Variants in PPP2R3A observed in about 807,000 individuals in gnomAD.
PPP2R3A encodes the protein serine/threonine-protein phosphatase 2A regulatory subunit B'' subunit alpha.
Under a neutral mutation model 106.9 loss-of-function variants are expected in PPP2R3A, and 80 were observed. The observed-to-expected ratio is 0.75, with a 90% CI of 0.62 to 0.90. The LOEUF is 0.90. Ranked by LOEUF, PPP2R3A falls within the 40% of genes least tolerant of loss-of-function variation. The pLI, the probability that PPP2R3A is intolerant of heterozygous loss-of-function variation, is 0.00. For synonymous variants in PPP2R3A, 483 were observed against 468.3 expected, an observed-to-expected ratio of 1.03 and a Z score of -0.41; for missense variants, 1,386 against 1,350.4, an observed-to-expected ratio of 1.03 and a Z score of -0.41.
chr3:135,974,858 A>G (rs1937367818), intron 1 of PPP2R3A, among the ~76,000 whole-genome samples: 1 of 152,262 alleles, frequency 6.6e-6, no homozygotes, highest in Admixed American at 6.5e-5. Context: ...TAGAAATAAA[A>G]AGCAGAGATT....
intron 8 of PPP2R3A, among the ~76,000 whole-genome samples, chr3:136,085,312 A>G (rs1352915857): frequency 6.6e-6 from 1 of 152,164 alleles, no homozygotes. Flanking sequence ...CCCTGCTGCC[A>G]TGTAAGATGT....
chr3:136,049,653 C>G (rs974382447), intron 5 of PPP2R3A, among the ~76,000 whole-genome samples: 15 of 152,166 alleles, frequency 9.9e-5, no homozygotes, highest in African/African-American at 3.6e-4. Flanking sequence ...TCCCCCTTGC[C>G]CACCCACAGC....
chr3:136,042,493 TA>T (rs1157421691), intron 4 of PPP2R3A, among the ~76,000 whole-genome samples: 1 of 152,220 alleles, frequency 6.6e-6, no homozygotes, highest in African/African-American at 2.4e-5. Flanking sequence ...CCTTGGAACT[TA>T]AAAATAAAAA....
intron 13 of PPP2R3A, among the ~76,000 whole-genome samples, chr3:136,144,488 C>CCAT (rs1939017026): frequency 6.6e-6 from 1 of 152,066 alleles, no homozygotes; most frequent in Non-Finnish European, 1.5e-5. Flanking sequence ...TGGTGAAACC[C>CCAT]CATCTCTACT....
intron 1 of PPP2R3A, among the ~76,000 whole-genome samples, chr3:135,993,352 A>G (rs1302959756): frequency 6.6e-6 from 1 of 152,224 alleles, no homozygotes; most frequent in Non-Finnish European, 1.5e-5. Flanking sequence ...AATTAAAGCC[A>G]CAGTGGGATA....
At chr3:136,031,410 T>C (rs781031404) in intron 3 of PPP2R3A, among the ~76,000 whole-genome samples, 119 of 152,388 alleles carry the variant, frequency 7.8e-4, no homozygotes, top group Non-Finnish European at 1.5e-3. Context: ...ATTAGTCCTT[T>C]GTCAGATGTA....
chr3:136,017,619 A>T (rs1934321652), intron 2 of PPP2R3A, among the ~76,000 whole-genome samples: 1 of 152,194 alleles, frequency 6.6e-6, no homozygotes, highest in Non-Finnish European at 1.5e-5. Flanking sequence ...AAGCACCCTC[A>T]TGATATACCA....
intron 13 of PPP2R3A, among the ~76,000 whole-genome samples, chr3:136,128,465 C>T (rs1938272171): frequency 6.6e-6 from 1 of 152,046 alleles, no homozygotes. Context: ...ACAAGAAGAG[C>T]TAACTATCCT....
chr3:136,140,227 T>C (rs951070059), intron 13 of PPP2R3A, among the ~76,000 whole-genome samples: 4 of 152,022 alleles, frequency 2.6e-5, no homozygotes. Flanking sequence ...TAACATACTT[T>C]GTTCTCCACG....
chr3:136,133,097 AAAAC>A (rs1233045605), intron 13 of PPP2R3A, among the ~76,000 whole-genome samples: 1 of 152,214 alleles, frequency 6.6e-6, no homozygotes, highest in Non-Finnish European at 1.5e-5. Flanking sequence ...CTTCTGGAAT[AAAAC>A]AAAGGAAAAT....
At chr3:136,032,786 G>C (rs778502686) in intron 3 of PPP2R3A, among the ~76,000 whole-genome samples, 4 of 152,002 alleles carry the variant, frequency 2.6e-5, no homozygotes, top group Non-Finnish European at 5.9e-5. Context: ...TGCCCGCCTC[G>C]GCCTTCCAAA....
intron 1 of PPP2R3A, among the ~76,000 whole-genome samples, chr3:135,990,283 G>A (rs774044727): frequency 1.2e-4 from 19 of 152,170 alleles, no homozygotes; most frequent in African/African-American, 4.1e-4. Flanking sequence ...TCCACTAGGC[G>A]CTGAAGACCT....
At chr3:136,052,907 T>A (rs1935729892) in intron 5 of PPP2R3A, among the ~76,000 whole-genome samples, 1 of 152,178 alleles carries the variant, frequency 6.6e-6, no homozygotes, top group African/African-American at 2.4e-5. Flanking sequence ...GCCAATGAAA[T>A]GGTAGAGAAA....
intron 13 of PPP2R3A, among the ~76,000 whole-genome samples, chr3:136,127,281 C>T (rs762719064): frequency 2.0e-5 from 3 of 152,100 alleles, no homozygotes; most frequent in Non-Finnish European, 2.9e-5. Context: ...AAAGATCAGA[C>T]GAATGGCTAA....
chr3:136,069,663 GTAT>G (rs1936367528), intron 5 of PPP2R3A, among the ~76,000 whole-genome samples: 1 of 152,128 alleles, frequency 6.6e-6, no homozygotes, highest in Admixed American at 6.6e-5. Context: ...CTATGTATTG[GTAT>G]TATAGCTAAC....
chr3:135,990,986 T>G (rs1326022379), intron 1 of PPP2R3A, among the ~76,000 whole-genome samples: 1 of 152,122 alleles, frequency 6.6e-6, no homozygotes, highest in Non-Finnish European at 1.5e-5. Flanking sequence ...GAGACTCAAA[T>G]AATACCAAGT....
intron 8 of PPP2R3A, among the ~76,000 whole-genome samples, chr3:136,087,243 G>GTCTCTCTCTC (rs1491461536): frequency 2.1e-4 from 16 of 75,120 alleles, no homozygotes; most frequent in Non-Finnish European, 3.5e-4. Flanking sequence ...GTCTCTAGTC[G>GTCTCTCTCTC]TGTCTCTCTC....
intron 7 of PPP2R3A, chr3:136,079,149 G>C (rs1559907330): frequency 2.2e-6 from 1 of 454,058 alleles, no homozygotes; most frequent in African/African-American, 2.0e-5. Flanking sequence ...ATCTGAGACA[G>C]AGTAATGAAG....
At chr3:136,060,561 C>A (rs1478471748) in intron 5 of PPP2R3A, among the ~76,000 whole-genome samples, 2 of 152,092 alleles carry the variant, frequency 1.3e-5, no homozygotes, top group Non-Finnish European at 2.9e-5. Flanking sequence ...CTCTGTCTCT[C>A]CCCTGCTTGC....
Sources: allele counts gnomAD v4.1 joint callset (sites outside exome capture counted in the v4.1 genomes callset), GRCh38; gene constraint gnomAD v4.1.1; transcripts MANE v1.5; gene names NCBI Gene and HGNC (gene_info 2026-07-23, HGNC 2026-07-21).